The following ZNF519 variants were observed in gnomAD, a reference collection of about 807,000 sequenced individuals.
The protein encoded by ZNF519 is zinc finger protein 519, also known as similar to Zinc finger protein 85 (Zinc finger protein HPF4) (HTF1).
In ZNF519, 7 loss-of-function variants were observed where a neutral mutation model predicts 7.4. The ratio of observed to expected loss-of-function variants is 0.94; its 90% CI spans 0.54 to 1.77. The LOEUF (loss-of-function observed/expected upper bound fraction) is 1.77, where lower values mean the gene tolerates loss of function less well. Among genes scored for constraint, ZNF519 ranks in the 40% most tolerant of loss-of-function variants. The probability of loss-of-function intolerance (pLI) is 0.00; values close to 1 mark genes in which losing one functional copy is unlikely to be tolerated. For synonymous variants in ZNF519, 179 were observed against 203.3 expected (o/e 0.88, Z 1.02); for missense variants, 586 against 623.1 (o/e 0.94, Z 0.63).
intron 2 of ZNF519, among the ~76,000 whole-genome samples, chr18:14,087,196 C>G (rs1266432204): frequency 6.6e-6 from 1 of 151,864 alleles, no homozygotes; most frequent in Admixed American, 6.6e-5. Flanking sequence ...AGAAATATAC[C>G]TCAATATAAT....
intron 3 of ZNF519, among the ~76,000 whole-genome samples, chr18:14,083,266 C>T (rs185261411): frequency 2.5e-4 from 38 of 152,238 alleles, no homozygotes; most frequent in South Asian, 1.5e-3. Context: ...ACGAGAATTG[C>T]TTGAACCTGG....
intron 3 of ZNF519, among the ~76,000 whole-genome samples, chr18:14,083,312 T>A (rs2046077200): frequency 6.6e-6 from 1 of 152,186 alleles, no homozygotes; most frequent in African/African-American, 2.4e-5. Context: ...ATTGTGCCAC[T>A]GCATTCCAGC....
chr18:14,096,777 AAAC>A (rs1345745343), downstream of ZNF519, among the ~76,000 whole-genome samples: 4 of 152,198 alleles, frequency 2.6e-5, no homozygotes, highest in African/African-American at 9.7e-5. Context: ...GCAAAACAGA[AAAC>A]AACAGTGGTG....
At chr18:14,116,998 C>T (rs573487816) in intron 2 of ZNF519, among the ~76,000 whole-genome samples, 19 of 152,120 alleles carry the variant, frequency 1.2e-4, no homozygotes, top group Middle Eastern at 6.8e-3. Flanking sequence ...GCAACGAGAG[C>T]AAAACTCCAT....
intron 2 of ZNF519, among the ~76,000 whole-genome samples, chr18:14,111,821 G>A (rs1260634062): frequency 6.6e-6 from 1 of 152,104 alleles, no homozygotes; most frequent in African/African-American, 2.4e-5. Context: ...GAAATCTGAT[G>A]GCTTCACTGA....
At chr18:14,099,511 A>T (rs1478039752), downstream of ZNF519, among the ~76,000 whole-genome samples, 3 of 152,136 alleles carry the variant, frequency 2.0e-5, no homozygotes, top group African/African-American at 7.2e-5. Context: ...TTAACATTCA[A>T]ATTAATTTGT....
downstream of ZNF519, chr18:14,099,806 C>G (rs1356907819): frequency 6.6e-6 from 1 of 152,142 alleles, no homozygotes; most frequent in Non-Finnish European, 1.5e-5. Context: ...TCCACACACC[C>G]TTACAATGTC....
At chr18:14,094,222 G>T (rs1035803708) in intron 2 of ZNF519, among the ~76,000 whole-genome samples, 2 of 152,218 alleles carry the variant, frequency 1.3e-5, no homozygotes, top group Admixed American at 6.5e-5. Flanking sequence ...GAGATGTTGA[G>T]TGTTGAACTA....
At chr18:14,078,662 T>G (rs1331444425) in intron 3 of ZNF519, among the ~76,000 whole-genome samples, 3 of 152,158 alleles carry the variant, frequency 2.0e-5, no homozygotes, top group Non-Finnish European at 4.4e-5. Context: ...TTGTGAAAGT[T>G]TTAAATATTA....
chr18:14,128,293 A>AAAACAAACAAACAAACAAAC (rs372768430), intron 1 of ZNF519, among the ~76,000 whole-genome samples: 2,751 of 147,876 alleles, frequency 0.019, 81 homozygotes, highest in African/African-American at 0.068. Context: ...ACTCTCTCTC[A>AAAACAAACAAACAAACAAAC]AAACAAACAA....
At chr18:14,121,630 A>G (rs2046270129) in intron 2 of ZNF519, among the ~76,000 whole-genome samples, 1 of 152,152 alleles carries the variant, frequency 6.6e-6, no homozygotes, top group Non-Finnish European at 1.5e-5. Context: ...TATCAGTTAA[A>G]CTATGGTAAA....
chr18:14,114,683 G>C (rs562049241), intron 2 of ZNF519, among the ~76,000 whole-genome samples: 8 of 152,070 alleles, frequency 5.3e-5, no homozygotes, highest in Non-Finnish European at 1.2e-4. Context: ...GTGGGAAGTG[G>C]GGAAGGTTAA....
At chr18:14,097,730 G>A (rs917421003), downstream of ZNF519, among the ~76,000 whole-genome samples, 2 of 152,170 alleles carry the variant, frequency 1.3e-5, no homozygotes, top group Non-Finnish European at 2.9e-5. Flanking sequence ...GGCTCTCAGT[G>A]TTGGAAACAT....
chr18:14,130,847 G>GGAAA (rs746968695), intron 1 of ZNF519, among the ~76,000 whole-genome samples: 1 of 145,498 alleles, frequency 6.9e-6, no homozygotes, highest in Non-Finnish European at 1.5e-5. Flanking sequence ...GGGGTTGGGG[G>GGAAA]AAAAAAAAAA....
chr18:14,086,440 C>T (rs1416202917), intron 2 of ZNF519, among the ~76,000 whole-genome samples: 1 of 152,216 alleles, frequency 6.6e-6, no homozygotes. Flanking sequence ...GATGTAGCAT[C>T]ATAGCAGCTG....
At chr18:14,079,406 C>G (rs2046061523) in intron 3 of ZNF519, among the ~76,000 whole-genome samples, 2 of 152,102 alleles carry the variant, frequency 1.3e-5, no homozygotes, top group Admixed American at 1.3e-4. Context: ...GATATTAAAA[C>G]TGACTCTAAA....
At chr18:14,131,855 G>C (rs1334964066) in intron 1 of ZNF519, among the ~76,000 whole-genome samples, 2 of 152,134 alleles carry the variant, frequency 1.3e-5, no homozygotes, top group Admixed American at 1.3e-4. Context: ...ACAAACCATT[G>C]CTGAGCGCTG....
chr18:14,129,293 TAGG>T (rs1410606746), intron 1 of ZNF519, among the ~76,000 whole-genome samples: 1 of 152,160 alleles, frequency 6.6e-6, no homozygotes, highest in Non-Finnish European at 1.5e-5. Context: ...CAGAAAACTC[TAGG>T]AGGAAAGCTG....
At chr18:14,118,025 AGGTAATTT>A (rs1198560835) in intron 2 of ZNF519, among the ~76,000 whole-genome samples, 1 of 152,190 alleles carries the variant, frequency 6.6e-6, no homozygotes, top group African/African-American at 2.4e-5. Flanking sequence ...TTCAATGAAT[AGGTAATTT>A]TTAAAGATGT....
Sources: gnomAD v4.1 joint callset for allele counts (sites outside exome capture counted in the v4.1 genomes callset) on GRCh38, gnomAD v4.1.1 for gene constraint, MANE v1.5 for transcripts, NCBI Gene and HGNC (gene_info 2026-07-23, HGNC 2026-07-21) for gene names.